NEK11: variants seen among roughly 807,000 people sequenced by gnomAD.
The protein encoded by NEK11 is serine/threonine-protein kinase Nek11.
In NEK11, 72 loss-of-function variants were observed where a neutral mutation model predicts 80.7. The observed-to-expected ratio is 0.89, with a 90% CI of 0.74 to 1.08. The LOEUF is 1.08. NEK11 is among the 50% of genes least tolerant of loss of function. The pLI is 0.00. For missense variants in NEK11, 764 were observed against 763.6 expected (o/e 1.00, Z -0.01); for synonymous variants, 251 against 260.7 (o/e 0.96, Z 0.36).
At chr3:131,337,540 C>T (rs962941120) in intron 17 of NEK11, among the ~76,000 whole-genome samples, 5 of 151,880 alleles carry the variant, frequency 3.3e-5, no homozygotes, top group Non-Finnish European at 7.4e-5. Flanking sequence ...GGGTGCAGCA[C>T]ACCAGCATGG....
Position 131,152,441 on chromosome 3 carries a change from G to C in NEK11, c.701G>C (p.Gly234Ala). The change falls in exon 8 of 18, where the codon GGC becomes GCC. Residue 234 changes from glycine (G) to alanine (A), a missense_variant. Coordinates refer to ENST00000383366, the MANE Select transcript of NEK11 (RefSeq NM_024800.5). ...EMCCMNHAFA[G>A]SNFLSIVLKI... ...TGCTGCATGAATCATGCATTCGCTG[G>C]CTCCAATTTCTTATCCATTGTTTTA... 6.2e-7 allele frequency: 1 copy of C among 1,613,704 alleles called. No individual in the cohort carries two copies. The highest frequency in any genetic ancestry group is 8.5e-7 in the Non-Finnish European group (1 of 1,179,756).
intron 17 of NEK11, among the ~76,000 whole-genome samples, chr3:131,322,638 A>G (rs1323337865): frequency 6.6e-6 from 1 of 152,188 alleles, no homozygotes; most frequent in African/African-American, 2.4e-5. Flanking sequence ...GATTGTGATT[A>G]GTAGGTCTGA....
At chr3:131,033,024 T>G (rs1018687673) in intron 3 of NEK11, among the ~76,000 whole-genome samples, 1 of 152,208 alleles carries the variant, frequency 6.6e-6, no homozygotes, top group African/African-American at 2.4e-5. Context: ...TTAAAAAACT[T>G]ATTCAAGATG....
At chr3:131,298,722 G>C (rs1170762571) in intron 17 of NEK11, among the ~76,000 whole-genome samples, 1 of 151,974 alleles carries the variant, frequency 6.6e-6, no homozygotes, top group Non-Finnish European at 1.5e-5. Flanking sequence ...TGGTAATGGT[G>C]GTGGTGTTTC....
chr3:131,122,128 G>GT (rs1250858661), intron 5 of NEK11, among the ~76,000 whole-genome samples: 5 of 152,120 alleles, frequency 3.3e-5, no homozygotes, highest in Admixed American at 3.3e-4. Context: ...TCCCTGTTGT[G>GT]TTTTTTCCTG....
At chr3:131,101,513 T>G (rs1367956652) in intron 4 of NEK11, among the ~76,000 whole-genome samples, 1 of 152,210 alleles carries the variant, frequency 6.6e-6, no homozygotes, top group East Asian at 1.9e-4. Flanking sequence ...AGCAAGTTGT[T>G]TAATTTCCAT....
At chr3:131,180,557 A>G (rs1372486862) in intron 14 of NEK11, among the ~76,000 whole-genome samples, 1 of 152,114 alleles carries the variant, frequency 6.6e-6, no homozygotes, top group African/African-American at 2.4e-5. Flanking sequence ...AAAAAGCAAA[A>G]TATAATTAAA....
At chr3:131,292,751 G>C (rs1443760324) in intron 17 of NEK11, among the ~76,000 whole-genome samples, 1 of 151,932 alleles carries the variant, frequency 6.6e-6, no homozygotes, top group Non-Finnish European at 1.5e-5. Flanking sequence ...CATTTTTTTA[G>C]TTCTTCTTTG....
chr3:131,073,982 C>G (rs1001827711), intron 3 of NEK11, among the ~76,000 whole-genome samples: 5 of 152,112 alleles, frequency 3.3e-5, no homozygotes, highest in South Asian at 4.1e-4. Flanking sequence ...CCCATTACTC[C>G]TCACCCTTTG....
At chr3:131,045,913 T>G (rs760982617) in intron 3 of NEK11, among the ~76,000 whole-genome samples, 2 of 152,102 alleles carry the variant, frequency 1.3e-5, no homozygotes, top group Non-Finnish European at 2.9e-5. Flanking sequence ...TTGTCTGATA[T>G]AAGAATAGCT....
chr3:131,089,644 G>C (rs2076457839), intron 4 of NEK11, among the ~76,000 whole-genome samples: 1 of 152,052 alleles, frequency 6.6e-6, no homozygotes, highest in African/African-American at 2.4e-5. Context: ...TCATCATGTT[G>C]GCCAGGCTGG....
intron 14 of NEK11, among the ~76,000 whole-genome samples, chr3:131,200,197 C>T (rs1384051043): frequency 6.6e-6 from 1 of 152,192 alleles, no homozygotes; most frequent in Non-Finnish European, 1.5e-5. Flanking sequence ...AAGTAATTGA[C>T]ATCTTCTGTG....
chr3:131,184,477 A>G (rs1044832744), intron 14 of NEK11, among the ~76,000 whole-genome samples: 18 of 152,216 alleles, frequency 1.2e-4, no homozygotes, highest in African/African-American at 4.3e-4. Flanking sequence ...CTACCTACTT[A>G]TACAGTAACT....
chr3:131,327,739 T>TAAAAAAAAA (rs60846974), intron 17 of NEK11: 1 of 124,162 alleles, frequency 8.1e-6, no homozygotes, highest in African/African-American at 3.0e-5. Flanking sequence ...GCCTGGTGGT[T>TAAAAAAAAA]AAAAAAAAAA....
At chr3:131,319,394 G>A (rs1333494801) in intron 17 of NEK11, among the ~76,000 whole-genome samples, 1 of 152,138 alleles carries the variant, frequency 6.6e-6, no homozygotes, top group Non-Finnish European at 1.5e-5. Context: ...GGGCTGGTAT[G>A]GGAAAAACAG....
intron 14 of NEK11, among the ~76,000 whole-genome samples, chr3:131,200,940 G>A (rs2150375512): frequency 6.6e-6 from 1 of 152,264 alleles, no homozygotes; most frequent in Non-Finnish European, 1.5e-5. Flanking sequence ...CAAGAATGCA[G>A]TAATAGCCTC....
At chr3:131,263,796 A>T (rs1389897504) in intron 16 of NEK11, among the ~76,000 whole-genome samples, 1 of 152,124 alleles carries the variant, frequency 6.6e-6, no homozygotes, top group Non-Finnish European at 1.5e-5. Context: ...CCACACTGTC[A>T]TCCACAATGG....
At chr3:131,198,194 T>TTCCATTA (rs1397960375) in intron 14 of NEK11, among the ~76,000 whole-genome samples, 1 of 152,182 alleles carries the variant, frequency 6.6e-6, no homozygotes, top group East Asian at 1.9e-4. Context: ...CTTTCAAGTA[T>TTCCATTA]TCCATTATCA....
intron 17 of NEK11, among the ~76,000 whole-genome samples, chr3:131,333,799 G>A (rs144322164): frequency 0.12 from 18,135 of 151,948 alleles, 1,526 homozygotes; most frequent in East Asian, 0.3. Context: ...GAGAACAAAA[G>A]AAGGCAGGGG....
Sources: allele counts gnomAD v4.1 joint callset (sites outside exome capture counted in the v4.1 genomes callset), GRCh38; gene constraint gnomAD v4.1.1; transcripts MANE v1.5; gene names NCBI Gene and HGNC (gene_info 2026-07-23, HGNC 2026-07-21).